The following CFH variants were observed in gnomAD, a reference collection of about 807,000 sequenced individuals.
CFH encodes the protein H factor 1 (complement).
CFH carries 53 observed loss-of-function variants against 147.3 expected under a neutral mutation model. The ratio of observed to expected loss-of-function variants is 0.36; its 90% CI spans 0.29 to 0.45. The LOEUF is 0.45. CFH is among the 20% of genes least tolerant of loss of function. The probability of loss-of-function intolerance (pLI) is 1.00; values close to 1 mark genes in which losing one functional copy is unlikely to be tolerated. For missense variants in CFH, 1,380 were observed against 1,498.0 expected (o/e 0.92, Z 1.30); for synonymous variants, 536 against 489.4 (o/e 1.10, Z -1.26).
chr1:196,726,600 T>C lies in CFH; in HGVS notation c.2004T>C (p.Pro668=). 1 of 1,612,026 alleles carries C rather than the reference T, an allele frequency of 6.2e-7. No individual in the cohort carries two copies. Among genetic ancestry groups the C allele is most frequent in the Non-Finnish European group, 8.5e-7 (1 of 1,178,158 alleles). The part of the protein sequence containing the change: ...YCNPRFLMKG[P]NKIQCVDGEW... ...ATCCTAGATTTCTAATGAAGGGACC[T>C]AATAAAATTCAATGTGTTGATGGAG... is the stretch of plus-strand genomic sequence containing the variant. Residue 668 remains proline, a synonymous_variant, in exon 13 of 22, where the codon CCT becomes CCC. Transcript: ENST00000367429.
intron 10 of CFH, 25 bp from the exon 11 acceptor site, chr1:196,715,568 A>G (rs747463176): frequency 6.5e-7 from 1 of 1,548,524 alleles, no homozygotes; most frequent in Non-Finnish European, 8.9e-7. Context: ...ATTAGAAATG[A>G]CATTCTAAAT....
Position 196,713,866 on chromosome 1 carries a change from G to C in CFH, c.1468G>C (p.Gly490Arg). The change falls in exon 10 of 22, where the codon GGA becomes CGA. Residue 490 changes from glycine to arginine, a missense_variant. Around this residue, in one of 4 missense-constraint regions of CFH, gnomAD observed 830 missense variants for 821.4 expected, o/e 1.01. Transcript: ENST00000367429. The stretch of plus-strand genomic sequence containing the variant: ...TGTAACAGCAGATGGTGAAACATCA[G>C]GATCAATTACATGTGGGAAAGATGG... ...GYVTADGETS[G>R]SITCGKDGWS... is the part of the protein sequence containing the mutation. 6.2e-7 allele frequency: 1 copy of C among 1,612,760 alleles called. No homozygotes were observed. The highest frequency in any genetic ancestry group is 8.5e-7 in the Non-Finnish European group (1 of 1,179,218).
intron 1 of CFH, among the ~76,000 whole-genome samples, chr1:196,665,669 G>T (rs951752415): frequency 6.6e-6 from 1 of 152,064 alleles, no homozygotes; most frequent in Non-Finnish European, 1.5e-5. Flanking sequence ...GTGCAATGGC[G>T]TGATCTTGGG....
At chr1:196,685,693 A>G (rs1312807541) in intron 7 of CFH, among the ~76,000 whole-genome samples, 1 of 152,078 alleles carries the variant, frequency 6.6e-6, no homozygotes, top group Non-Finnish European at 1.5e-5. Context: ...CCCAGGCTAC[A>G]GTGATCAGAA....
intron 20 of CFH, among the ~76,000 whole-genome samples, chr1:196,743,895 C>T (rs1286625622): frequency 1.3e-5 from 2 of 152,086 alleles, no homozygotes; most frequent in Non-Finnish European, 2.9e-5. Context: ...CTCAGGAATA[C>T]GTGTAATAAA....
At chr1:196,703,627 G>GA (rs879496195) in intron 9 of CFH, among the ~76,000 whole-genome samples, 1 of 152,006 alleles carries the variant, frequency 6.6e-6, no homozygotes, top group Non-Finnish European at 1.5e-5. Flanking sequence ...TGAAATCTCA[G>GA]AAAAAATGCT....
chr1:196,689,728 G>C (rs2149088414), intron 8 of CFH, 114 bp downstream of exon 8: 2 of 1,221,652 alleles, frequency 1.6e-6, no homozygotes. Flanking sequence ...GCCAAGAAAA[G>C]AGTTGTTCAA....
intron 8 of CFH, 31 bp from the exon 9 acceptor site, chr1:196,690,032 T>G (rs1172399481): frequency 6.4e-7 from 1 of 1,570,336 alleles, no homozygotes; most frequent in Admixed American, 1.7e-5. Context: ...TCTCATTTAC[T>G]TTATTTATTT....
chr1:196,653,295 A>G (rs1198476858), intron 1 of CFH, among the ~76,000 whole-genome samples: 2 of 151,800 alleles, frequency 1.3e-5, no homozygotes, highest in African/African-American at 4.8e-5. Flanking sequence ...CTTTATATGT[A>G]GCCACTTTTT....
At chr1:196,682,831 C>G (rs181221145) in intron 6 of CFH, among the ~76,000 whole-genome samples, 7 of 151,432 alleles carry the variant, frequency 4.6e-5, no homozygotes, top group Non-Finnish European at 7.4e-5. Flanking sequence ...ATAATTATTG[C>G]TAATCTAAAT....
At chr1:196,659,021 T>C (rs1376942175) in intron 1 of CFH, among the ~76,000 whole-genome samples, 1 of 152,246 alleles carries the variant, frequency 6.6e-6, no homozygotes, top group Non-Finnish European at 1.5e-5. Flanking sequence ...ATATGATGGC[T>C]TAGTCTACTC....
At chr1:196,721,956 T>C (rs1348813910) in intron 11 of CFH, among the ~76,000 whole-genome samples, 1 of 152,032 alleles carries the variant, frequency 6.6e-6, no homozygotes, top group Non-Finnish European at 1.5e-5. Flanking sequence ...GGTGGGTTTC[T>C]TTTGAGCAGC....
intron 17 of CFH, 56 bp downstream of exon 17, chr1:196,737,716 C>A: frequency 1.4e-6 from 2 of 1,441,460 alleles, no homozygotes; most frequent in South Asian, 1.2e-5. Context: ...TAAAAATAAT[C>A]TCTTGTTATC....
intron 17 of CFH, among the ~76,000 whole-genome samples, chr1:196,739,348 C>T (rs1168132974): frequency 1.3e-5 from 2 of 152,186 alleles, no homozygotes. Flanking sequence ...ATTGCATTTA[C>T]AAGCTGCACA....
intron 1 of CFH, among the ~76,000 whole-genome samples, 195 bp from the exon 2 acceptor site, chr1:196,672,783 T>C (rs1449484794): frequency 6.6e-6 from 1 of 152,014 alleles, no homozygotes; most frequent in African/African-American, 2.4e-5. Flanking sequence ...TTTTATAAGG[T>C]GAAATGTATA....
intron 9 of CFH, among the ~76,000 whole-genome samples, chr1:196,713,268 A>G (rs1668766671): frequency 6.6e-6 from 1 of 152,150 alleles, no homozygotes; most frequent in Admixed American, 6.6e-5. Context: ...AATAAGAATG[A>G]CATTTCAAAT....
rs773280333 is a variant in CFH at position 196,675,846 on chromosome 1, CAAACAAG to C, written c.351-125_351-119del. ...GAGGAGGAGAAGGAGGAAGGAAAAA[CAAACAAG>C]AAACAAGAAACAAGAAAATGCATAT... On this transcript the variant is annotated intron_variant, in intron 3 of 21. Transcript: ENST00000367429. 2.3e-4 allele frequency: 124 copies of C among 541,226 alleles called. No individual in the cohort carries two copies. Among genetic ancestry groups the C allele is most frequent in the Middle Eastern group, 9.0e-4 (3 of 3,322 alleles). 33.5% of individuals were successfully genotyped at this position (541,226 alleles called of 1,614,324 possible).
chr1:196,660,600 T>C (rs1050607929), intron 1 of CFH, among the ~76,000 whole-genome samples: 1 of 152,066 alleles, frequency 6.6e-6, no homozygotes. Context: ...CAAGGGAAAA[T>C]AGAACAGGGG....
At chr1:196,733,791 C>G (rs1470960651) in intron 15 of CFH, among the ~76,000 whole-genome samples, 1 of 151,992 alleles carries the variant, frequency 6.6e-6, no homozygotes, top group Non-Finnish European at 1.5e-5. Context: ...CTGGGGTGAG[C>G]CACGGGAACC....
Sources: gnomAD v4.1 joint callset for allele counts (sites outside exome capture counted in the v4.1 genomes callset) on GRCh38, gnomAD v4.1.1 for gene constraint, gnomAD v4.1.1 regional missense constraint, MANE v1.5 for transcripts, NCBI Gene and HGNC (gene_info 2026-07-23, HGNC 2026-07-21) for gene names.